Variants in ZNF564 observed in about 807,000 individuals in gnomAD.
ZNF564 encodes zinc finger protein 564.
ZNF564 carries 5 observed loss-of-function variants against 10.5 expected under a neutral mutation model. The observed-to-expected ratio is 0.48, with a 90% CI of 0.25 to 1.00. ZNF564 has a LOEUF of 1.00. ZNF564 is among the 50% of genes least tolerant of loss of function. ZNF564 has a pLI of 0.16. For synonymous variants in ZNF564, 242 were observed against 218.1 expected (o/e 1.11, Z -0.97); for missense variants, 603 against 669.7 (o/e 0.90, Z 1.10).
At chr19:12,534,898 T>G (rs1369780215) in intron 1 of ZNF564, among the ~76,000 whole-genome samples, 2 of 152,114 alleles carry the variant, frequency 1.3e-5, no homozygotes, top group African/African-American at 4.8e-5. Context: ...GAAAACATGT[T>G]CACACAAAAA....
At chr19:12,532,581 A>C (rs1351702024) in intron 1 of ZNF564, among the ~76,000 whole-genome samples, 2 of 148,706 alleles carry the variant, frequency 1.3e-5, no homozygotes, top group Non-Finnish European at 3.0e-5. Flanking sequence ...TTAATTAACC[A>C]GTTGGGGTAT....
intron 1 of ZNF564, among the ~76,000 whole-genome samples, chr19:12,543,167 TG>T (rs2022089502): frequency 6.7e-6 from 1 of 149,518 alleles, no homozygotes; most frequent in African/African-American, 2.5e-5. Context: ...TCAGGCGTGG[TG>T]GGGTGCACCT....
intron 3 of ZNF564, 150 bp from the exon 4 acceptor site, chr19:12,528,066 G>T: frequency 1.1e-6 from 1 of 921,066 alleles, no homozygotes; most frequent in Non-Finnish European, 1.6e-6. Flanking sequence ...TGCTCTGCAA[G>T]AGAGCTTGAC....
chr19:12,548,376 C>A (rs186875739), intron 1 of ZNF564, among the ~76,000 whole-genome samples: 2 of 152,022 alleles, frequency 1.3e-5, no homozygotes, highest in East Asian at 3.9e-4. Flanking sequence ...ACCGCCACAC[C>A]CGGCTAATTT....
At chr19:12,550,440 G>T in intron 1 of ZNF564, 1 of 191,006 alleles carries the variant, frequency 5.2e-6, no homozygotes, top group Non-Finnish European at 1.2e-5. Flanking sequence ...CGGATCACCT[G>T]AGGTCTGGAG....
chr19:12,540,800 G>C (rs1269869731), intron 1 of ZNF564, among the ~76,000 whole-genome samples: 2 of 151,888 alleles, frequency 1.3e-5, no homozygotes, highest in African/African-American at 4.8e-5. Flanking sequence ...CTTGCAGTGA[G>C]CCGAGATGGC....
In ZNF564 at chr19:12,527,740, C is replaced by G. The variant is rs1485084160; in HGVS notation, c.368G>C (p.Arg123Thr). Residue 123 changes from arginine to threonine, a missense_variant, in exon 4 of 4, where the codon AGA becomes ACA. By Grantham distance (71) the Arg-to-Thr change is moderately conservative (BLOSUM62 -1). Coordinates refer to ENST00000339282, the MANE Select transcript of ZNF564 (RefSeq NM_144976.4). Reference sequence around the variant, plus strand: ...ATATGGTTTGTGTCCAAGGTGAGATCTGATGTGCCTACTAAGGGATGAATG... The same window carrying G: ...ATATGGTTTGTGTCCAAGGTGAGATGTGATGTGCCTACTAAGGGATGAATG... ...MHHSSLSRHI[R>T]SHLGHKPYDY... The G allele has an allele frequency of 6.2e-6, 10 of 1,613,950 alleles. No individual in the cohort carries two copies. The South Asian group carries it at 1.1e-4, about 18-fold the overall frequency.
In ZNF564 at chr19:12,551,480, G is replaced by A. The variant is rs1012538977; in HGVS notation, c.-148C>T. ...AAACGCAGCGGACACGAAACAGGAAGACCCCGCGGAGTTGTTGAACATTGC... is the reference window on the plus strand; with the variant it reads ...AAACGCAGCGGACACGAAACAGGAAAACCCCGCGGAGTTGTTGAACATTGC... On this transcript the variant is annotated 5_prime_UTR_variant, in exon 1 of 4. Transcript: ENST00000339282. 1.6e-5 allele frequency: 22 copies of A among 1,402,828 alleles called. No homozygotes were observed. The African/African-American group carries it at 3.6e-4, about 23-fold the overall frequency. 86.9% of individuals were successfully genotyped at this position (1,402,828 alleles called of 1,614,324 possible).
chr19:12,527,262 T>C lies in ZNF564; in HGVS notation c.846A>G (p.Glu282=). The C allele has an allele frequency of 3.1e-6, 5 of 1,614,142 alleles. No homozygotes were observed. Among genetic ancestry groups the C allele is most frequent in the Non-Finnish European group, 4.2e-6 (5 of 1,180,022 alleles). The change falls in exon 4 of 4, where the codon GAA becomes GAG. Residue 282 remains glutamate, a synonymous_variant. Transcript: ENST00000339282. ...ERTHTGEKPH[E]CKQCGKAFIS... is the part of the protein sequence containing the mutation. ...TGAAGGCCTTCCCACACTGTTTACA[T>C]TCATGGGGTTTCTCTCCAGTATGAG... is the stretch of plus-strand genomic sequence containing the variant.
chr19:12,531,841 TTGAA>T (rs2021807553), intron 1 of ZNF564, among the ~76,000 whole-genome samples: 1 of 152,178 alleles, frequency 6.6e-6, no homozygotes, highest in African/African-American at 2.4e-5. Flanking sequence ...AATAATCACT[TTGAA>T]TGTCAATAGT....
chr19:12,536,828 T>C (rs10405402), intron 1 of ZNF564, among the ~76,000 whole-genome samples: 1,875 of 152,242 alleles, frequency 0.012, 28 homozygotes, highest in African/African-American at 0.043. Context: ...AGAAAAACAG[T>C]AACAGATTAT....
chr19:12,528,059 T>G (rs1429018931), intron 3 of ZNF564, 143 bp from the exon 4 acceptor site: 12 of 981,320 alleles, frequency 1.2e-5, no homozygotes, highest in Non-Finnish European at 1.8e-5. Flanking sequence ...GATGGAATGC[T>G]CTGCAAGAGA....
intron 1 of ZNF564, among the ~76,000 whole-genome samples, chr19:12,544,641 G>C (rs1035624780): frequency 6.6e-6 from 1 of 152,126 alleles, no homozygotes; most frequent in African/African-American, 2.4e-5. Flanking sequence ...GGAATGCACA[G>C]AGAGGCTGCA....
intron 1 of ZNF564, among the ~76,000 whole-genome samples, chr19:12,542,659 A>AG (rs2022079543): frequency 6.6e-6 from 1 of 151,318 alleles, no homozygotes; most frequent in Admixed American, 6.6e-5. Flanking sequence ...GAAGAAAGAA[A>AG]AGAAAAAAGG....
At chr19:12,539,925 G>C (rs193168934) in intron 1 of ZNF564, among the ~76,000 whole-genome samples, 78 of 151,096 alleles carry the variant, frequency 5.2e-4, no homozygotes, top group African/African-American at 1.5e-3. Flanking sequence ...AGCTTGCAGT[G>C]AGCCGAGATC....
chr19:12,533,595 C>T (rs538225200), intron 1 of ZNF564, among the ~76,000 whole-genome samples: 10 of 151,826 alleles, frequency 6.6e-5, no homozygotes, highest in South Asian at 4.2e-4. Context: ...GGTGTGGTGG[C>T]GCATGCCTGT....
chr19:12,537,888 C>T (rs998643617), intron 1 of ZNF564, among the ~76,000 whole-genome samples: 29 of 152,072 alleles, frequency 1.9e-4, no homozygotes, highest in African/African-American at 7.0e-4. Context: ...CTTCTAAGTG[C>T]GTGTGTGGGG....
At position 12,528,434 on chromosome 19, in the gene ZNF564, CATG is replaced by C. The variant is rs574366371; in HGVS notation, c.131-73_131-71del. 208 of 1,573,246 alleles carry C rather than the reference CATG, an allele frequency of 1.3e-4. No homozygotes were observed. In the African/African-American group the frequency reaches 2.4e-3, roughly 18 times the overall value. ...CAGAAAAATGACTAGATTCTAAGTT[CATG>C]ATAAGGTGCAAACAACCCTGATTTA... On this transcript the variant is annotated intron_variant, in intron 2 of 3. Transcript: ENST00000339282.
intron 1 of ZNF564, among the ~76,000 whole-genome samples, chr19:12,537,291 G>A (rs1427872965): frequency 1.3e-5 from 2 of 152,044 alleles, no homozygotes; most frequent in Non-Finnish European, 2.9e-5. Flanking sequence ...TATGTGATTA[G>A]GTCTATGATG....
Sources: allele counts gnomAD v4.1 joint callset (sites outside exome capture counted in the v4.1 genomes callset), GRCh38; gene constraint gnomAD v4.1.1; transcripts MANE v1.5; gene names NCBI Gene and HGNC (gene_info 2026-07-23, HGNC 2026-07-21).